The following NOL4L variants were observed in gnomAD, a reference collection of about 807,000 sequenced individuals.
NOL4L encodes the protein nucleolar protein 4 like.
NOL4L carries 7 observed loss-of-function variants against 64.5 expected under a neutral mutation model. The observed-to-expected ratio is 0.11, with a 90% CI of 0.06 to 0.20. NOL4L has a LOEUF of 0.20. Among genes scored for constraint, NOL4L ranks in the 10% least tolerant of loss-of-function variants. The probability of loss-of-function intolerance (pLI) is 1.00; values close to 1 mark genes in which losing one functional copy is unlikely to be tolerated. For synonymous variants in NOL4L, 413 were observed against 401.0 expected, an observed-to-expected ratio of 1.03 and a Z score of -0.36; for missense variants, 680 against 967.1, an observed-to-expected ratio of 0.70 and a Z score of 3.94.
chr20:32,533,337 G>C (rs2018410519), intron 1 of NOL4L: 1 of 152,184 alleles, frequency 6.6e-6, no homozygotes, highest in Non-Finnish European at 1.5e-5. Flanking sequence ...CTGGGAACTT[G>C]TTAGAAATGC....
rs922548978 is a variant in NOL4L at position 32,474,616 on chromosome 20, G to A, written c.826C>T (p.His276Tyr). The A allele has an allele frequency of 6.2e-7, 1 of 1,612,608 alleles. No homozygotes were observed. Among genetic ancestry groups the A allele is most frequent in the Non-Finnish European group, 8.5e-7 (1 of 1,179,580 alleles). ...DERMRSPQNL[H>Y]SQEDDDSSSE... ...GGGCACTCACCGTCCTCTTGACTGT[G>A]GAGGTTCTGCGGGCTCCGCATCCTC... The change falls in exon 5 of 11, where the codon CAC becomes TAC. Residue 276 changes from histidine (H) to tyrosine (Y), a missense_variant. This residue lies in a region of NOL4L where 254 missense variants were observed against 238.7 expected (regional missense o/e 1.06). Coordinates refer to ENST00000621426, the MANE Select transcript of NOL4L (RefSeq NM_001256798.2).
intron 3 of NOL4L, among the ~76,000 whole-genome samples, chr20:32,513,781 C>A (rs1411287699): frequency 6.6e-6 from 1 of 152,064 alleles, no homozygotes; most frequent in Non-Finnish European, 1.5e-5. Flanking sequence ...GGGAGGATCA[C>A]CTGAGCCCAG....
intron 5 of NOL4L, among the ~76,000 whole-genome samples, chr20:32,465,652 C>T (rs1480021853): frequency 6.6e-6 from 1 of 152,248 alleles, no homozygotes; most frequent in African/African-American, 2.4e-5. Context: ...CTCCAGGCCA[C>T]CATGTGTGAA....
At chr20:32,449,577 T>C (rs998268459) in intron 10 of NOL4L, among the ~76,000 whole-genome samples, 4 of 152,228 alleles carry the variant, frequency 2.6e-5, no homozygotes, top group African/African-American at 9.7e-5. Context: ...AACTATTTTC[T>C]AAATAGCGTC....
At chr20:32,541,780 G>A (rs891381031) in intron 1 of NOL4L, among the ~76,000 whole-genome samples, 6 of 152,262 alleles carry the variant, frequency 3.9e-5, no homozygotes, top group Non-Finnish European at 5.9e-5. Context: ...TGCCCAGGAC[G>A]TCGCTTTAGG....
intron 4 of NOL4L, among the ~76,000 whole-genome samples, chr20:32,484,487 C>A (rs907765446): frequency 2.6e-5 from 4 of 152,096 alleles, no homozygotes; most frequent in African/African-American, 9.7e-5. Context: ...CCCCTCCGCC[C>A]TCCTCCCCGC....
intron 1 of NOL4L, among the ~76,000 whole-genome samples, chr20:32,563,654 A>G (rs1237413401): frequency 6.6e-6 from 1 of 152,098 alleles, no homozygotes; most frequent in African/African-American, 2.4e-5. Context: ...CTGGCTGATA[A>G]CGGGCACCAT....
intron 5 of NOL4L, among the ~76,000 whole-genome samples, chr20:32,472,403 G>A (rs985137838): frequency 6.6e-6 from 1 of 152,218 alleles, no homozygotes; most frequent in Admixed American, 6.5e-5. Context: ...CTGCAATGGA[G>A]ACCCTCGGGC....
intron 5 of NOL4L, among the ~76,000 whole-genome samples, chr20:32,467,299 C>T (rs1409771683): frequency 6.6e-6 from 1 of 151,864 alleles, no homozygotes; most frequent in African/African-American, 2.4e-5. Flanking sequence ...GATTGAGAAG[C>T]AGGGTCTTGG....
At chr20:32,584,297 T>G (rs1980744068) in intron 1 of NOL4L, among the ~76,000 whole-genome samples, 1 of 149,926 alleles carries the variant, frequency 6.7e-6, no homozygotes, top group Non-Finnish European at 1.5e-5. Context: ...GGACGGAACA[T>G]GCTGGGGTGA....
At chr20:32,545,221 T>A (rs140920338) in intron 1 of NOL4L, among the ~76,000 whole-genome samples, 4 of 152,222 alleles carry the variant, frequency 2.6e-5, no homozygotes, top group African/African-American at 9.6e-5. Flanking sequence ...TGCAGTGAGT[T>A]ATAATAGTGC....
intron 2 of NOL4L, among the ~76,000 whole-genome samples, 163 bp from the exon 3 acceptor site, chr20:32,521,085 C>A (rs1036534693): frequency 6.6e-6 from 1 of 152,146 alleles, no homozygotes; most frequent in Non-Finnish European, 1.5e-5. Flanking sequence ...TCAGCTGTGG[C>A]AATGAGACAG....
chr20:32,508,010 C>G (rs550728299), intron 4 of NOL4L, among the ~76,000 whole-genome samples: 2 of 152,262 alleles, frequency 1.3e-5, no homozygotes, highest in East Asian at 3.9e-4. Flanking sequence ...GACTACATCT[C>G]AAAATAAATA....
chr20:32,537,081 A>AC (rs1018559512), intron 1 of NOL4L: 73 of 982,014 alleles, frequency 7.4e-5, no homozygotes, highest in Non-Finnish European at 8.3e-5. Context: ...GACGCTGCCC[A>AC]CCTGTCCTTT....
intron 4 of NOL4L, among the ~76,000 whole-genome samples, chr20:32,506,604 T>C (rs1483694828): frequency 6.6e-6 from 1 of 151,946 alleles, no homozygotes; most frequent in Non-Finnish European, 1.5e-5. Context: ...GAGGTTGCAG[T>C]GAGCCGAGAT....
chr20:32,509,517 CA>C (rs71338441), intron 4 of NOL4L, among the ~76,000 whole-genome samples: 449 of 62,840 alleles, frequency 7.1e-3, no homozygotes, highest in African/African-American at 9.8e-3. Flanking sequence ...GACTCTGCCT[CA>C]AAAAAAAAAA....
intron 1 of NOL4L, among the ~76,000 whole-genome samples, chr20:32,577,086 T>A (rs1486769693): frequency 6.6e-6 from 1 of 152,148 alleles, no homozygotes; most frequent in East Asian, 1.9e-4. Context: ...TGGTACCAAG[T>A]TCTCATCTAC....
chr20:32,558,026 C>T, intron 1 of NOL4L, among the ~76,000 whole-genome samples: 1 of 152,192 alleles, frequency 6.6e-6, no homozygotes, highest in East Asian at 1.9e-4. Flanking sequence ...GAACCCCAGC[C>T]TGGGTGACAG....
At chr20:32,458,107 G>A (rs1310255542) in intron 5 of NOL4L, among the ~76,000 whole-genome samples, 1 of 152,140 alleles carries the variant, frequency 6.6e-6, no homozygotes, top group African/African-American at 2.4e-5. Flanking sequence ...CTGCTCTCCA[G>A]CGCCCAGGCC....
Sources: gnomAD v4.1 joint callset for allele counts (sites outside exome capture counted in the v4.1 genomes callset) on GRCh38, gnomAD v4.1.1 for gene constraint, gnomAD v4.1.1 regional missense constraint, MANE v1.5 for transcripts, NCBI Gene and HGNC (gene_info 2026-07-23, HGNC 2026-07-21) for gene names.